The following DNAJC5B variants were observed in gnomAD, a reference collection of about 807,000 sequenced individuals.
DNAJC5B encodes the protein DnaJ heat shock protein family (Hsp40) member C5 beta, also known as dnaJ homolog subfamily C member 5B.
A neutral mutation model predicts 24.7 loss-of-function variants in DNAJC5B; 23 were observed. The ratio of observed to expected loss-of-function variants is 0.93; its 90% CI spans 0.67 to 1.32. The LOEUF is 1.32. DNAJC5B is among the 40% of genes most tolerant of loss of function. DNAJC5B has a pLI of 0.00. For missense variants in DNAJC5B, 238 were observed against 240.8 expected (o/e 0.99, Z 0.08); for synonymous variants, 101 against 90.1 (o/e 1.12, Z -0.68).
chr8:66,049,345 A>T (rs1469472885), intron 2 of DNAJC5B, among the ~76,000 whole-genome samples: 1 of 152,216 alleles, frequency 6.6e-6, no homozygotes, highest in Non-Finnish European at 1.5e-5. Context: ...TTGCTTACTC[A>T]CTGATTCAGA....
intron 2 of DNAJC5B, among the ~76,000 whole-genome samples, chr8:66,047,779 A>G (rs1806754199): frequency 6.6e-6 from 1 of 152,224 alleles, no homozygotes; most frequent in South Asian, 2.1e-4. Flanking sequence ...AGCTCAGAGT[A>G]TGGTGGTGCA....
At chr8:66,087,513 C>A (rs1807753727) in intron 5 of DNAJC5B, among the ~76,000 whole-genome samples, 2 of 152,278 alleles carry the variant, frequency 1.3e-5, no homozygotes, top group Non-Finnish European at 2.9e-5. Flanking sequence ...AGCATCAACT[C>A]AAAAGTCCAA....
intron 3 of DNAJC5B, among the ~76,000 whole-genome samples, chr8:66,063,267 A>T (rs1451529461): frequency 2.6e-5 from 4 of 152,244 alleles, no homozygotes. Flanking sequence ...TTTTCAAAAG[A>T]AGCAGAAAAG....
At chr8:66,027,466 T>C (rs574567248) in intron 1 of DNAJC5B, among the ~76,000 whole-genome samples, 2 of 152,320 alleles carry the variant, frequency 1.3e-5, no homozygotes, top group Admixed American at 1.3e-4. Context: ...CAAAAGGAAG[T>C]GAAAGATTCA....
At chr8:66,047,009 A>G (rs75069807) in intron 2 of DNAJC5B, among the ~76,000 whole-genome samples, 4 of 152,250 alleles carry the variant, frequency 2.6e-5, no homozygotes, top group African/African-American at 9.6e-5. Flanking sequence ...CAAATCATCA[A>G]CAGATTCCAA....
intron 2 of DNAJC5B, among the ~76,000 whole-genome samples, chr8:66,046,252 C>G (rs80254698): frequency 0.075 from 11,433 of 152,190 alleles, 483 homozygotes; most frequent in African/African-American, 0.11. Context: ...CTAACTAACC[C>G]CTTCAGGAGC....
At chr8:66,027,230 C>T (rs1002547186) in intron 1 of DNAJC5B, among the ~76,000 whole-genome samples, 2 of 152,130 alleles carry the variant, frequency 1.3e-5, no homozygotes, top group Admixed American at 1.3e-4. Context: ...AGGACAGCCC[C>T]GGAAATCTTT....
intron 3 of DNAJC5B, among the ~76,000 whole-genome samples, chr8:66,053,790 C>A (rs1168011357): frequency 6.6e-6 from 1 of 152,010 alleles, no homozygotes; most frequent in South Asian, 2.1e-4. Context: ...TCACCATGCC[C>A]GGCTAATTTT....
upstream of DNAJC5B, among the ~76,000 whole-genome samples, chr8:66,017,844 G>A (rs531593763): frequency 1.3e-5 from 2 of 152,266 alleles, no homozygotes; most frequent in Admixed American, 6.5e-5. Context: ...CTGAATGGAT[G>A]GACATAGACT....
At chr8:66,035,570 A>G (rs1806464761) in intron 1 of DNAJC5B, among the ~76,000 whole-genome samples, 3 of 152,190 alleles carry the variant, frequency 2.0e-5, no homozygotes. Flanking sequence ...CAGTGACACA[A>G]ACCAATGATT....
the DNAJC5B span, among the ~76,000 whole-genome samples, chr8:66,016,154 A>G: frequency 6.6e-6 from 1 of 152,214 alleles, no homozygotes; most frequent in Non-Finnish European, 1.5e-5. Context: ...TCCTCACATG[A>G]CAGAAAAGCA....
chr8:66,099,787 T>C, intron 5 of DNAJC5B, 150 bp from the exon 6 acceptor site: 1 of 622,156 alleles, frequency 1.6e-6, no homozygotes, highest in Non-Finnish European at 2.7e-6. Context: ...CTCCTCCCTT[T>C]CGAAGTCCTT....
At chr8:66,062,258 G>A (rs947209375) in intron 3 of DNAJC5B, among the ~76,000 whole-genome samples, 2 of 152,202 alleles carry the variant, frequency 1.3e-5, no homozygotes, top group Non-Finnish European at 2.9e-5. Flanking sequence ...CAAATAATTA[G>A]TTTGGTCACT....
intron 5 of DNAJC5B, among the ~76,000 whole-genome samples, chr8:66,093,439 G>T (rs1807888606): frequency 6.6e-6 from 1 of 152,128 alleles, no homozygotes; most frequent in African/African-American, 2.4e-5. Context: ...AATCTAGTAG[G>T]TGGGAAATGG....
rs777490349 is a variant in DNAJC5B, at chr8:66,051,607, A to G, written c.60A>G (p.Leu20=). 15 of 1,614,172 alleles carry G rather than the reference A, an allele frequency of 9.3e-6. No homozygotes were observed. In the Middle Eastern group the frequency reaches 4.9e-4, roughly 53 times the overall value. Reference sequence around the variant, plus strand: ...CTCTGTCAACAACAGGAGAAGCTCTATACGAAATTCTTGGTCTGCATAAGG... The same window carrying G: ...CTCTGTCAACAACAGGAGAAGCTCTGTACGAAATTCTTGGTCTGCATAAGG... ...QRTLSTTGEA[L]YEILGLHKGA... Residue 20 remains leucine (L), a synonymous_variant, in exon 3 of 6, where the codon CTA becomes CTG. Coordinates refer to ENST00000276570, the MANE Select transcript of DNAJC5B (RefSeq NM_033105.6).
intron 3 of DNAJC5B, among the ~76,000 whole-genome samples, chr8:66,061,400 G>A (rs1807077598): frequency 6.6e-6 from 1 of 152,160 alleles, no homozygotes; most frequent in Non-Finnish European, 1.5e-5. Context: ...AGAGGGTTGT[G>A]GAGGATTACA....
chr8:66,058,009 G>A (rs929515542), intron 3 of DNAJC5B: 4 of 152,190 alleles, frequency 2.6e-5, no homozygotes, highest in African/African-American at 9.7e-5. Context: ...CAGAAATATG[G>A]GTAAATACAA....
chr8:66,044,016 T>TTTCA (rs1165653055), intron 2 of DNAJC5B, among the ~76,000 whole-genome samples: 1 of 151,948 alleles, frequency 6.6e-6, no homozygotes, highest in Admixed American at 6.6e-5. Context: ...AGAGACAGGG[T>TTTCA]TTCACCATGT....
At chr8:66,045,569 C>CT (rs1376285475) in intron 2 of DNAJC5B, among the ~76,000 whole-genome samples, 58 of 151,158 alleles carry the variant, frequency 3.8e-4, no homozygotes, top group Non-Finnish European at 6.1e-4. Flanking sequence ...TGGAATCTGC[C>CT]TTTTTTTTTC....
Sources: gnomAD v4.1 joint callset for allele counts (sites outside exome capture counted in the v4.1 genomes callset) on GRCh38, gnomAD v4.1.1 for gene constraint, MANE v1.5 for transcripts, NCBI Gene and HGNC (gene_info 2026-07-23, HGNC 2026-07-21) for gene names.